EHBP1: variants seen among roughly 807,000 people sequenced by gnomAD.
EHBP1 encodes the protein EH domain-binding protein 1.
A neutral mutation model predicts 144.0 loss-of-function variants in EHBP1; 55 were observed. The ratio of observed to expected loss-of-function variants is 0.38; its 90% CI spans 0.31 to 0.48. The LOEUF is 0.48. Ranked by LOEUF, EHBP1 falls within the 20% of genes least tolerant of loss-of-function variation. The pLI, the probability that EHBP1 is intolerant of heterozygous loss-of-function variation, is 0.98. For missense variants in EHBP1, 1,200 were observed against 1,364.2 expected (o/e 0.88, Z 1.90); for synonymous variants, 469 against 472.7 (o/e 0.99, Z 0.10).
At chr2:62,811,324 T>A (rs929814463) in intron 5 of EHBP1, among the ~76,000 whole-genome samples, 2 of 152,244 alleles carry the variant, frequency 1.3e-5, no homozygotes, top group Admixed American at 6.5e-5. Context: ...TTAAATTTTA[T>A]AGTATTCCAT....
intron 13 of EHBP1, among the ~76,000 whole-genome samples, chr2:62,949,640 A>G (rs1278987339): frequency 6.6e-6 from 1 of 152,222 alleles, no homozygotes; most frequent in Non-Finnish European, 1.5e-5. Flanking sequence ...ACATCATTCT[A>G]AAAATGTATA....
intron 1 of EHBP1, among the ~76,000 whole-genome samples, chr2:62,700,055 G>C (rs1160464694): frequency 6.6e-6 from 1 of 152,122 alleles, no homozygotes; most frequent in African/African-American, 2.4e-5. Flanking sequence ...ATGGGTAACT[G>C]CAACAGAAAC....
At chr2:62,973,925 C>G (rs1420121616) in intron 14 of EHBP1, among the ~76,000 whole-genome samples, 1 of 152,104 alleles carries the variant, frequency 6.6e-6, no homozygotes, top group Non-Finnish European at 1.5e-5. Flanking sequence ...GGAGAATCAC[C>G]TGAGCCTGGG....
intron 5 of EHBP1, among the ~76,000 whole-genome samples, chr2:62,795,670 T>C (rs1028114071): frequency 2.0e-5 from 3 of 152,104 alleles, no homozygotes; most frequent in Admixed American, 2.0e-4. Flanking sequence ...TGTATTAAAA[T>C]TGAATAAATC....
chr2:62,951,540 G>GGA (rs927584526), intron 13 of EHBP1, among the ~76,000 whole-genome samples: 5 of 142,874 alleles, frequency 3.5e-5, no homozygotes, highest in South Asian at 2.4e-4. Flanking sequence ...TTTTTGGGGG[G>GGA]GGGGGGTGGA....
At chr2:62,822,508 T>C (rs2046055705) in intron 5 of EHBP1, among the ~76,000 whole-genome samples, 1 of 152,228 alleles carries the variant, frequency 6.6e-6, no homozygotes. Context: ...TATTGAGTGC[T>C]GACTATATGC....
intron 2 of EHBP1, among the ~76,000 whole-genome samples, chr2:62,740,323 A>G (rs1375796542): frequency 6.6e-6 from 1 of 152,172 alleles, no homozygotes; most frequent in Non-Finnish European, 1.5e-5. Context: ...CTATGTATGT[A>G]CTTTGTCTTG....
intron 19 of EHBP1, among the ~76,000 whole-genome samples, chr2:63,001,911 T>C (rs2153229037): frequency 6.6e-6 from 1 of 152,312 alleles, no homozygotes; most frequent in Middle Eastern, 3.4e-3. Context: ...TTATGATTTA[T>C]AATTAGTAAG....
At chr2:62,780,911 GATT>G (rs10555120) in intron 5 of EHBP1, among the ~76,000 whole-genome samples, 74,123 of 151,592 alleles carry the variant, frequency 0.49, 18,362 homozygotes, top group Middle Eastern at 0.68. Flanking sequence ...AGTATTTGGA[GATT>G]ATTCGTCTTT....
intron 4 of EHBP1, among the ~76,000 whole-genome samples, chr2:62,765,329 A>T (rs1394468557): frequency 6.6e-6 from 1 of 152,162 alleles, no homozygotes; most frequent in Admixed American, 6.6e-5. Context: ...GGGATAATAC[A>T]TTATCTGTGC....
intron 5 of EHBP1, among the ~76,000 whole-genome samples, chr2:62,803,367 C>T (rs2044187531): frequency 6.6e-6 from 1 of 152,132 alleles, no homozygotes; most frequent in Non-Finnish European, 1.5e-5. Flanking sequence ...AAAGAATATC[C>T]CCATAACAGG....
chr2:62,752,880 T>C (rs2039887802), intron 3 of EHBP1, among the ~76,000 whole-genome samples: 1 of 152,230 alleles, frequency 6.6e-6, no homozygotes, highest in Admixed American at 6.5e-5. Flanking sequence ...CCCTTTATTT[T>C]GAGCCTATGT....
chr2:62,793,370 T>C (rs1429180032), intron 5 of EHBP1, among the ~76,000 whole-genome samples: 1 of 152,122 alleles, frequency 6.6e-6, no homozygotes, highest in African/African-American at 2.4e-5. Context: ...CTTTGGAATT[T>C]ACTCCAGAGA....
At position 62,937,603 on chromosome 2, in the gene EHBP1, G is replaced by T. The variant is rs997792961; in HGVS notation, c.1186-5115G>T. Among the ~76,000 whole-genome samples, 4 of 152,262 alleles carry T rather than the reference G, an allele frequency of 2.6e-5. No individual in the cohort carries two copies. The South Asian group carries it at 8.3e-4, about 32-fold the overall frequency. On this transcript the variant is annotated intron_variant, in intron 10 of 22. Transcript: ENST00000431489. Reference sequence around the variant, plus strand: ...TGAATGGCAATTGCGAGGAGATTTCGTGTAAGAGATGACATTTGAACTAAA... The same window carrying T: ...TGAATGGCAATTGCGAGGAGATTTCTTGTAAGAGATGACATTTGAACTAAA...
intron 19 of EHBP1, among the ~76,000 whole-genome samples, chr2:63,018,466 C>A (rs2060573902): frequency 6.6e-6 from 1 of 152,236 alleles, no homozygotes; most frequent in Admixed American, 6.5e-5. Context: ...CTGGTTCATG[C>A]GATAGGTTCT....
chr2:62,916,752 A>G (rs1385683700), intron 10 of EHBP1, among the ~76,000 whole-genome samples: 1 of 149,444 alleles, frequency 6.7e-6, no homozygotes, highest in Non-Finnish European at 1.5e-5. Flanking sequence ...ATCAAAATAT[A>G]TTTTATAATA....
At chr2:63,020,317 C>CT (rs971182397) in intron 19 of EHBP1, among the ~76,000 whole-genome samples, 20 of 121,876 alleles carry the variant, frequency 1.6e-4, no homozygotes, top group African/African-American at 5.1e-4. Flanking sequence ...GAGTGAGACT[C>CT]TGTCTCAAAA....
intron 21 of EHBP1, 126 bp from the exon 22 acceptor site, chr2:63,044,940 G>T: frequency 1.5e-6 from 1 of 668,312 alleles, no homozygotes. Context: ...GAAAACACTA[G>T]CTAGTGGCTC....
chr2:62,876,788 A>G (rs1023602092), intron 10 of EHBP1, among the ~76,000 whole-genome samples: 2 of 152,170 alleles, frequency 1.3e-5, no homozygotes, highest in African/African-American at 4.8e-5. Context: ...TCAGTATCAT[A>G]AGAACAGCAA....
Sources: allele counts gnomAD v4.1 joint callset (sites outside exome capture counted in the v4.1 genomes callset), GRCh38; gene constraint gnomAD v4.1.1; transcripts MANE v1.5; gene names NCBI Gene and HGNC (gene_info 2026-07-23, HGNC 2026-07-21).